SLC35F4: variants seen among roughly 807,000 people sequenced by gnomAD.
SLC35F4 encodes the protein chromosome 14 open reading frame 36.
In SLC35F4, 24 loss-of-function variants were observed where a neutral mutation model predicts 44.2. That is an observed-to-expected ratio of 0.54 (90% confidence interval 0.39 to 0.76). SLC35F4 has a LOEUF of 0.76. Among genes scored for constraint, SLC35F4 ranks in the 30% least tolerant of loss-of-function variants. The pLI, the probability that SLC35F4 is intolerant of heterozygous loss-of-function variation, is 0.00. For synonymous variants in SLC35F4, 238 were observed against 223.6 expected (o/e 1.06, Z -0.57); for missense variants, 562 against 586.1 (o/e 0.96, Z 0.42).
chr14:57,861,574 T>C (rs1477244906), intron 1 of SLC35F4, among the ~76,000 whole-genome samples: 1 of 152,200 alleles, frequency 6.6e-6, no homozygotes, highest in Non-Finnish European at 1.5e-5. Context: ...TTCCCTCTAA[T>C]TCTCTCTTAT....
At chr14:57,839,295 A>G (rs550760390) in intron 1 of SLC35F4, among the ~76,000 whole-genome samples, 1 of 152,168 alleles carries the variant, frequency 6.6e-6, no homozygotes, top group Admixed American at 6.6e-5. Context: ...GTTGCTCTTT[A>G]TGTAATATTG....
upstream of SLC35F4, among the ~76,000 whole-genome samples, chr14:57,869,764 C>A (rs543462434): frequency 6.6e-6 from 1 of 152,202 alleles, no homozygotes. Flanking sequence ...TCTAGCCAAC[C>A]AGGTGATAAG....
intron 1 of SLC35F4, among the ~76,000 whole-genome samples, chr14:57,894,981 C>A (rs1373182545): frequency 6.6e-6 from 1 of 152,142 alleles, no homozygotes; most frequent in Non-Finnish European, 1.5e-5. Context: ...CCTCTTCTTA[C>A]ACATCACTGC....
At chr14:57,751,828 T>G (rs1252917728) in intron 1 of SLC35F4, among the ~76,000 whole-genome samples, 1 of 152,134 alleles carries the variant, frequency 6.6e-6, no homozygotes, top group Non-Finnish European at 1.5e-5. Context: ...AGGTATAAAA[T>G]TTGGCCTTCA....
intron 1 of SLC35F4, among the ~76,000 whole-genome samples, chr14:57,710,279 G>A (rs377522042): frequency 1.1e-4 from 16 of 152,350 alleles, no homozygotes; most frequent in Admixed American, 3.3e-4. Flanking sequence ...GAGCCTGTTC[G>A]TGCACAGAAG....
chr14:57,739,843 T>G (rs1468285017), intron 1 of SLC35F4, among the ~76,000 whole-genome samples: 1 of 152,200 alleles, frequency 6.6e-6, no homozygotes, highest in Non-Finnish European at 1.5e-5. Context: ...GAGCCAACTC[T>G]CAGCAAACAG....
intron 1 of SLC35F4, among the ~76,000 whole-genome samples, chr14:57,653,811 C>A (rs947825869): frequency 7.2e-5 from 11 of 152,276 alleles, no homozygotes; most frequent in African/African-American, 2.6e-4. Flanking sequence ...TGTAACAAAG[C>A]ACCATAAACG....
chr14:57,925,516 AGGGAGGGAGGG>A (rs1566930993), intron 1 of SLC35F4, among the ~76,000 whole-genome samples: 5 of 22,852 alleles, frequency 2.2e-4, no homozygotes, highest in Admixed American at 6.6e-4. Flanking sequence ...GGAGGGAGGG[AGGGAGGGAGGG>A]AGGGAGGGAG....
At chr14:57,900,407 G>A (rs1297590793) in intron 1 of SLC35F4, among the ~76,000 whole-genome samples, 1 of 152,020 alleles carries the variant, frequency 6.6e-6, no homozygotes, top group African/African-American at 2.4e-5. Context: ...TCGGGGTCAT[G>A]TGCTCACCTC....
At chr14:57,694,899 C>G (rs1040558200) in intron 1 of SLC35F4, among the ~76,000 whole-genome samples, 1 of 152,058 alleles carries the variant, frequency 6.6e-6, no homozygotes, top group African/African-American at 2.4e-5. Context: ...GATAAATTCT[C>G]ATATTAATTT....
At chr14:57,747,083 G>A (rs1225831103) in intron 1 of SLC35F4, among the ~76,000 whole-genome samples, 1 of 152,132 alleles carries the variant, frequency 6.6e-6, no homozygotes, top group Non-Finnish European at 1.5e-5. Flanking sequence ...TCAGCATCTT[G>A]AGGAATAAAA....
chr14:57,615,979 T>G (rs2071795709), intron 1 of SLC35F4, among the ~76,000 whole-genome samples: 1 of 152,238 alleles, frequency 6.6e-6, no homozygotes. Context: ...CTCTTGATTT[T>G]CTACATTTAA....
intron 1 of SLC35F4, among the ~76,000 whole-genome samples, chr14:57,684,063 G>A (rs1355731991): frequency 3.9e-5 from 6 of 152,054 alleles, no homozygotes; most frequent in Admixed American, 1.3e-4. Flanking sequence ...CTCTCCAGCC[G>A]CAGGGCACTC....
chr14:57,974,466 A>G (rs1466973905), downstream of SLC35F4, among the ~76,000 whole-genome samples: 1 of 152,240 alleles, frequency 6.6e-6, no homozygotes, highest in Non-Finnish European at 1.5e-5. Context: ...AAGAACATCA[A>G]TTAACCTGTG....
At chr14:57,855,723 T>C (rs1160857112) in intron 1 of SLC35F4, among the ~76,000 whole-genome samples, 1 of 152,194 alleles carries the variant, frequency 6.6e-6, no homozygotes, top group African/African-American at 2.4e-5. Flanking sequence ...CATTCTACTA[T>C]AAAGACTTAC....
intron 1 of SLC35F4, among the ~76,000 whole-genome samples, chr14:57,813,769 T>G (rs1882245588): frequency 6.6e-6 from 1 of 152,130 alleles, no homozygotes; most frequent in South Asian, 2.1e-4. Flanking sequence ...CAATGGGCAC[T>G]GGCCTGGTTG....
intron 1 of SLC35F4, among the ~76,000 whole-genome samples, chr14:57,897,439 C>G (rs954911151): frequency 2.0e-5 from 3 of 151,764 alleles, no homozygotes; most frequent in Non-Finnish European, 4.4e-5. Context: ...GTACACAAAC[C>G]ATCCTTTATG....
chr14:57,743,010 T>C (rs1594938441), intron 1 of SLC35F4, among the ~76,000 whole-genome samples: 1 of 152,300 alleles, frequency 6.6e-6, no homozygotes, highest in South Asian at 2.1e-4. Context: ...AATAAAGATG[T>C]TCTTTGAAAC....
chr14:57,619,498 A>G lies in SLC35F4; in HGVS notation c.104-25374T>C, dbSNP rs538468714. On this transcript the variant is annotated intron_variant, in intron 1 of 7. Transcript: ENST00000556826. ...ACAAAAAGAAAGGAATAGCATCAACATCAACAAAAAGGACGTCCACCAGGA... is the reference window on the plus strand; with the variant it reads ...ACAAAAAGAAAGGAATAGCATCAACGTCAACAAAAAGGACGTCCACCAGGA... Among the ~76,000 whole-genome samples the G allele has an allele frequency of 9.8e-5, 15 of 152,328 alleles. No homozygotes were observed. In the South Asian group the frequency reaches 3.1e-3, roughly 32 times the overall value.
Sources: allele counts gnomAD v4.1 joint callset (sites outside exome capture counted in the v4.1 genomes callset), GRCh38; gene constraint gnomAD v4.1.1; transcripts MANE v1.5; gene names NCBI Gene and HGNC (gene_info 2026-07-23, HGNC 2026-07-21).